Variants in SMC1B observed in about 807,000 individuals in gnomAD.
The protein encoded by SMC1B is structural maintenance of chromosomes protein 1B.
SMC1B carries 60 observed loss-of-function variants against 157.9 expected under a neutral mutation model. The ratio of observed to expected loss-of-function variants is 0.38; its 90% CI spans 0.31 to 0.47. The LOEUF is 0.47. Among genes scored for constraint, SMC1B ranks in the 20% least tolerant of loss-of-function variants. The pLI, the probability that SMC1B is intolerant of heterozygous loss-of-function variation, is 0.99. For missense variants in SMC1B, 1,165 were observed against 1,426.2 expected (o/e 0.82, Z 2.95); for synonymous variants, 445 against 483.0 (o/e 0.92, Z 1.03).
chr22:45,402,559 G>C lies in SMC1B; in HGVS notation c.628C>G (p.Gln210Glu). Residue 210 changes from glutamine to glutamate, a missense_variant, in exon 5 of 25, where the codon CAG becomes GAG. Coordinates refer to ENST00000357450, the MANE Select transcript of SMC1B (RefSeq NM_148674.5). ...KLEKEEAERY[Q>E]SLLEELKMNK... ...ATTTTCAGTTCTTCAAGGAGACTCT[G>C]GTAACGTTCTGCCTATAAAAGAGTA... The C allele has an allele frequency of 6.2e-7, 1 of 1,612,484 alleles. No individual in the cohort carries two copies. Among genetic ancestry groups the C allele is most frequent in the Non-Finnish European group, 8.5e-7 (1 of 1,178,944 alleles).
intron 5 of SMC1B, among the ~76,000 whole-genome samples, chr22:45,400,037 GA>G (rs2087174271): frequency 6.6e-6 from 1 of 152,132 alleles, no homozygotes; most frequent in Non-Finnish European, 1.5e-5. Context: ...ACATCAATAT[GA>G]ACTCATGTTT....
At chr22:45,404,270 T>C (rs371829763) in intron 4 of SMC1B, among the ~76,000 whole-genome samples, 2 of 152,102 alleles carry the variant, frequency 1.3e-5, no homozygotes, top group African/African-American at 4.8e-5. Flanking sequence ...CTATATCATA[T>C]AGCTTACTTT....
At chr22:45,410,017 C>G (rs1180201179) in intron 1 of SMC1B, among the ~76,000 whole-genome samples, 1 of 152,184 alleles carries the variant, frequency 6.6e-6, no homozygotes, top group East Asian at 1.9e-4. Context: ...TAGTGAGGTT[C>G]CCTGGTGGGC....
At chr22:45,398,607 A>C (rs1489524465) in intron 6 of SMC1B, among the ~76,000 whole-genome samples, 1 of 152,312 alleles carries the variant, frequency 6.6e-6, no homozygotes, top group South Asian at 2.1e-4. Context: ...AGGCAGGTGG[A>C]TCACCAGAGG....
intron 21 of SMC1B, among the ~76,000 whole-genome samples, chr22:45,353,412 A>C (rs2086634712): frequency 6.6e-6 from 1 of 152,212 alleles, no homozygotes; most frequent in Non-Finnish European, 1.5e-5. Context: ...GAGAAAACAA[A>C]AGCAGAGCAG....
intron 24 of SMC1B, 55 bp downstream of exon 24, chr22:45,345,404 G>T: frequency 9.5e-7 from 1 of 1,053,760 alleles, no homozygotes. Flanking sequence ...GGCTGTCAGG[G>T]TACTAAGGGA....
At chr22:45,401,833 C>G (rs535413996) in intron 5 of SMC1B, among the ~76,000 whole-genome samples, 1 of 128,298 alleles carries the variant, frequency 7.8e-6, no homozygotes, top group Admixed American at 7.7e-5. Context: ...TGCTGTGAGG[C>G]AATGAACCTC....
intron 1 of SMC1B, among the ~76,000 whole-genome samples, chr22:45,409,611 A>G (rs547772876): frequency 5.2e-5 from 2 of 38,816 alleles, no homozygotes; most frequent in Non-Finnish European, 8.2e-5. Flanking sequence ...TAAATAAATA[A>G]AAACAAGAGA....
chr22:45,351,142 C>CT (rs1438899817), intron 22 of SMC1B, among the ~76,000 whole-genome samples: 1 of 152,174 alleles, frequency 6.6e-6, no homozygotes, highest in East Asian at 1.9e-4. Context: ...CCATTCCCTG[C>CT]TTTTTTTCTC....
At chr22:45,402,174 C>T (rs1380702963) in intron 5 of SMC1B, among the ~76,000 whole-genome samples, 159 bp downstream of exon 5, 1 of 152,224 alleles carries the variant, frequency 6.6e-6, no homozygotes, top group African/African-American at 2.4e-5. Context: ...TGAGCCACCA[C>T]ACCTGGCCTA....
chr22:45,399,432 C>A, intron 5 of SMC1B, 79 bp from the exon 6 acceptor site: 1 of 1,338,952 alleles, frequency 7.5e-7, no homozygotes, highest in Non-Finnish European at 1.0e-6. Flanking sequence ...TTTGATCAAA[C>A]CACTTTAAAA....
chr22:45,387,119 C>T, intron 10 of SMC1B, 73 bp from the exon 11 acceptor site: 1 of 1,303,532 alleles, frequency 7.7e-7, no homozygotes, highest in Non-Finnish European at 1.1e-6. Context: ...TATTCTTTCT[C>T]ACAAAACATA....
chr22:45,351,953 C>A (rs1602045855), intron 22 of SMC1B, among the ~76,000 whole-genome samples: 1 of 152,158 alleles, frequency 6.6e-6, no homozygotes, highest in Non-Finnish European at 1.5e-5. Context: ...AGTAGCAGAT[C>A]TTGACTATTG....
At chr22:45,375,684 A>G (rs1210329298) in intron 12 of SMC1B, among the ~76,000 whole-genome samples, 1 of 152,168 alleles carries the variant, frequency 6.6e-6, no homozygotes, top group Non-Finnish European at 1.5e-5. Flanking sequence ...ATTTTATCAA[A>G]TGCCTTTTCT....
intron 10 of SMC1B, 24 bp downstream of exon 10, chr22:45,389,688 T>TA: frequency 6.3e-7 from 1 of 1,592,034 alleles, no homozygotes; most frequent in African/African-American, 1.3e-5. Flanking sequence ...TCACTATAAA[T>TA]ACCAGGCATT....
chr22:45,359,708 CCCT>C, intron 18 of SMC1B, 94 bp downstream of exon 18: 1 of 1,349,638 alleles, frequency 7.4e-7, no homozygotes, highest in Non-Finnish European at 1.0e-6. Context: ...TCTTCACCAC[CCCT>C]AAAGGGGCTA....
intron 19 of SMC1B, 59 bp downstream of exon 19, chr22:45,358,638 G>A: frequency 9.8e-7 from 1 of 1,024,344 alleles, no homozygotes; most frequent in Non-Finnish European, 1.4e-6. Context: ...AAATGATTCG[G>A]TAAGATTTAA....
chr22:45,354,829 C>G (rs1267171031), intron 20 of SMC1B, 130 bp downstream of exon 20: 9 of 750,862 alleles, frequency 1.2e-5, no homozygotes, highest in African/African-American at 3.5e-5. Flanking sequence ...TAAAAGCACA[C>G]ATTAATATAA....
chr22:45,359,164 A>C (rs2086697479), intron 18 of SMC1B, among the ~76,000 whole-genome samples: 1 of 152,234 alleles, frequency 6.6e-6, no homozygotes, highest in Admixed American at 6.5e-5. Context: ...TCATATACCA[A>C]AACTATGCCA....
Sources: allele counts gnomAD v4.1 joint callset (sites outside exome capture counted in the v4.1 genomes callset), GRCh38; gene constraint gnomAD v4.1.1; transcripts MANE v1.5; gene names NCBI Gene and HGNC (gene_info 2026-07-23, HGNC 2026-07-21).